The following ABL2 variants were observed in gnomAD, a reference collection of about 807,000 sequenced individuals.
ABL2 encodes ABL proto-oncogene 2, non-receptor tyrosine kinase.
Under a neutral mutation model 107.7 loss-of-function variants are expected in ABL2, and 49 were observed. The ratio of observed to expected loss-of-function variants is 0.45; its 90% CI spans 0.36 to 0.58. The LOEUF (loss-of-function observed/expected upper bound fraction) is 0.58, where lower values mean the gene tolerates loss of function less well. ABL2 is among the 20% of genes least tolerant of loss of function. ABL2 has a pLI of 0.00. For synonymous variants in ABL2, 549 were observed against 548.6 expected (o/e 1.00, Z -0.01); for missense variants, 1,245 against 1,457.0 (o/e 0.85, Z 2.37).
chr1:179,191,412 C>CT (rs1661002091), intron 1 of ABL2, among the ~76,000 whole-genome samples: 2 of 125,112 alleles, frequency 1.6e-5, no homozygotes, highest in African/African-American at 5.8e-5. Flanking sequence ...GTATGAAATC[C>CT]CTTTTTTTTT....
At chr1:179,165,362 A>AT (rs976594479) in intron 1 of ABL2, among the ~76,000 whole-genome samples, 5 of 152,100 alleles carry the variant, frequency 3.3e-5, no homozygotes, top group African/African-American at 1.2e-4. Context: ...GGTAAAGTGA[A>AT]TGAGGAAGAA....
intron 1 of ABL2, among the ~76,000 whole-genome samples, chr1:179,151,884 T>C (rs1328748377): frequency 6.6e-6 from 1 of 152,210 alleles, no homozygotes; most frequent in Non-Finnish European, 1.5e-5. Context: ...GCATGCTCTA[T>C]ACCTATCTAA....
At position 179,108,600 on chromosome 1, in the gene ABL2, C is replaced by A; in HGVS notation, c.2667G>T (p.Lys889Asn). Residue 889 changes from lysine (K) to asparagine (N), a missense_variant, in exon 12 of 12, where the codon AAG becomes AAT. Coordinates refer to ENST00000502732, the MANE Select transcript of ABL2 (RefSeq NM_007314.4). The stretch of plus-strand genomic sequence containing the variant: ...GTGCCCCACCATTCTTCTCTTTACC[C>A]TTGGGGGCAGCTGCCACTCCAGCCA... ...VGVAGVAAAP[K>N]GKEKNGGARL... 2.5e-6 allele frequency: 4 copies of A among 1,614,096 alleles called. No homozygotes were observed. The highest frequency in any genetic ancestry group is 3.4e-6 in the Non-Finnish European group (4 of 1,179,990).
At chr1:179,202,673 A>T (rs1392173568) in intron 1 of ABL2, among the ~76,000 whole-genome samples, 1 of 152,202 alleles carries the variant, frequency 6.6e-6, no homozygotes, top group Non-Finnish European at 1.5e-5. Context: ...TTCCCCTACA[A>T]TCACTTCTGT....
At chr1:179,154,551 C>T (rs1192348904) in intron 1 of ABL2, among the ~76,000 whole-genome samples, 2 of 152,320 alleles carry the variant, frequency 1.3e-5, no homozygotes, top group Non-Finnish European at 1.5e-5. Context: ...ATCTCTAATT[C>T]GGTCCTAACC....
chr1:179,170,632 G>A (rs1659664564), intron 1 of ABL2, among the ~76,000 whole-genome samples: 2 of 152,162 alleles, frequency 1.3e-5, no homozygotes, highest in Non-Finnish European at 2.9e-5. Context: ...GTCTCGCTCT[G>A]TCACCCAGCT....
At chr1:179,180,879 C>T (rs773479488) in intron 1 of ABL2, among the ~76,000 whole-genome samples, 2 of 152,164 alleles carry the variant, frequency 1.3e-5, no homozygotes, top group Non-Finnish European at 2.9e-5. Flanking sequence ...TTAAAGAATT[C>T]TTCCAAGTCC....
intron 1 of ABL2, among the ~76,000 whole-genome samples, chr1:179,200,594 A>C (rs967911098): frequency 6.6e-6 from 1 of 152,178 alleles, no homozygotes; most frequent in Non-Finnish European, 1.5e-5. Context: ...TAAACCCAAA[A>C]AATGCTACCT....
intron 1 of ABL2, among the ~76,000 whole-genome samples, chr1:179,195,396 T>C (rs1471325370): frequency 2.0e-5 from 3 of 152,152 alleles, no homozygotes; most frequent in African/African-American, 7.2e-5. Flanking sequence ...GGTGAGGGTA[T>C]GGAGAAACTA....
intron 1 of ABL2, among the ~76,000 whole-genome samples, chr1:179,147,181 C>CAA (rs58297805): frequency 0.2 from 10,046 of 50,298 alleles, 3,126 homozygotes; most frequent in Middle Eastern, 0.41. Flanking sequence ...CAGAGAAATG[C>CAA]AAAAAAAAAA....
At chr1:179,180,161 C>G (rs1660289934) in intron 1 of ABL2, among the ~76,000 whole-genome samples, 1 of 151,818 alleles carries the variant, frequency 6.6e-6, no homozygotes, top group Non-Finnish European at 1.5e-5. Context: ...TTCTGGACCA[C>G]CTACTGTATG....
chr1:179,156,824 G>A (rs1479467253), intron 1 of ABL2, among the ~76,000 whole-genome samples: 1 of 151,952 alleles, frequency 6.6e-6, no homozygotes, highest in Non-Finnish European at 1.5e-5. Flanking sequence ...GCTGCAGTGA[G>A]CTGAGATGGC....
chr1:179,187,873 G>A (rs1660763178), intron 1 of ABL2, among the ~76,000 whole-genome samples: 1 of 152,092 alleles, frequency 6.6e-6, no homozygotes, highest in Non-Finnish European at 1.5e-5. Flanking sequence ...AAATCAGCTA[G>A]ACTGAACCCT....
At chr1:179,168,255 T>A (rs1380859104) in intron 1 of ABL2, among the ~76,000 whole-genome samples, 1 of 152,208 alleles carries the variant, frequency 6.6e-6, no homozygotes, top group African/African-American at 2.4e-5. Flanking sequence ...AAGTCCTTTA[T>A]ATAAAATAGC....
intron 4 of ABL2, among the ~76,000 whole-genome samples, chr1:179,125,691 G>A (rs6696018): frequency 1.3e-5 from 2 of 152,190 alleles, no homozygotes; most frequent in Non-Finnish European, 2.9e-5. Flanking sequence ...ATTACAGACA[G>A]GGAAATTGAG....
At chr1:179,198,037 G>C (rs1324464071) in intron 1 of ABL2, among the ~76,000 whole-genome samples, 1 of 151,850 alleles carries the variant, frequency 6.6e-6, no homozygotes, top group African/African-American at 2.4e-5. Flanking sequence ...AGCTGGCGTG[G>C]TGGCACACGT....
chr1:179,143,347 T>C (rs1200142706), intron 1 of ABL2, among the ~76,000 whole-genome samples: 2 of 152,166 alleles, frequency 1.3e-5, no homozygotes, highest in Non-Finnish European at 2.9e-5. Context: ...AATAGCCTAA[T>C]AATAAAACAA....
chr1:179,212,990 G>C (rs553488613), intron 1 of ABL2, among the ~76,000 whole-genome samples: 122 of 147,484 alleles, frequency 8.3e-4, no homozygotes, highest in Non-Finnish European at 7.4e-4. Context: ...AGGTTGCAGT[G>C]AGCCAAGATC....
rs959883519 is a variant in ABL2 at position 179,102,375 on chromosome 1, C to T, written c.*5343G>A. 2 of 210,858 alleles carry T rather than the reference C, an allele frequency of 9.5e-6. No individual in the cohort carries two copies. Among genetic ancestry groups the T allele is most frequent in the Non-Finnish European group, 1.9e-5 (2 of 103,888 alleles). 13.1% of individuals were successfully genotyped at this position (210,858 alleles called of 1,614,324 possible). A position where few individuals can be genotyped will look rare whatever the true frequency, so the allele number is the denominator to read the frequency against. The stretch of plus-strand genomic sequence containing the variant: ...TATCCAAATGATATAGATATCTTGA[C>T]TGTTAAGAGTTGGAGACGTTTCAGA... On this transcript the variant is annotated 3_prime_UTR_variant, in exon 12 of 12. Coordinates refer to ENST00000502732, the MANE Select transcript of ABL2 (RefSeq NM_007314.4).
Sources: gnomAD v4.1 joint callset for allele counts (sites outside exome capture counted in the v4.1 genomes callset) on GRCh38, gnomAD v4.1.1 for gene constraint, MANE v1.5 for transcripts, NCBI Gene and HGNC (gene_info 2026-07-23, HGNC 2026-07-21) for gene names.